SCEL: variants seen among roughly 807,000 people sequenced by gnomAD.
The protein encoded by SCEL is sciellin.
A neutral mutation model predicts 117.6 loss-of-function variants in SCEL; 113 were observed. The ratio of observed to expected loss-of-function variants is 0.96; its 90% CI spans 0.83 to 1.12. The LOEUF (loss-of-function observed/expected upper bound fraction) is 1.12. Among genes scored for constraint, SCEL ranks in the 50% most tolerant of loss-of-function variants. The pLI is 0.00. For synonymous variants in SCEL, 270 were observed against 256.2 expected, an observed-to-expected ratio of 1.05 and a Z score of -0.51; for missense variants, 785 against 810.8, an observed-to-expected ratio of 0.97 and a Z score of 0.39.
At chr13:77,595,374 G>A (rs1303465030) in intron 12 of SCEL, among the ~76,000 whole-genome samples, 3 of 152,182 alleles carry the variant, frequency 2.0e-5, no homozygotes, top group Admixed American at 6.5e-5. Flanking sequence ...ATCTGATTAA[G>A]AGCATTTAAT....
chr13:77,624,076 T>A (rs1352776309), intron 27 of SCEL, among the ~76,000 whole-genome samples: 1 of 151,132 alleles, frequency 6.6e-6, no homozygotes, highest in Non-Finnish European at 1.5e-5. Context: ...CCTCTCTCCT[T>A]GGCTTGTGGA....
intron 11 of SCEL, among the ~76,000 whole-genome samples, chr13:77,592,164 C>G (rs1168456609): frequency 6.6e-6 from 1 of 152,078 alleles, no homozygotes; most frequent in Non-Finnish European, 1.5e-5. Context: ...ATATACTTTT[C>G]ATTTTTTATA....
At chr13:77,632,517 G>C (rs1240785693) in intron 28 of SCEL, among the ~76,000 whole-genome samples, 2 of 152,140 alleles carry the variant, frequency 1.3e-5, no homozygotes, top group Non-Finnish European at 2.9e-5. Flanking sequence ...TGTATGTTTT[G>C]TGAAACATCT....
chr13:77,568,293 A>G lies in SCEL; in HGVS notation c.360-2A>G. On this transcript the variant is annotated splice_acceptor_variant, in intron 6 of 32. Coordinates refer to ENST00000349847, the MANE Select transcript of SCEL (RefSeq NM_144777.3). LOFTEE classifies it high-confidence loss of function. ...AACTTTGCTTTCTTTCTCTCTTACC[A>G]GGAGCATGTCCATGTTTAGATCACT... 1 of 1,558,746 alleles carries G rather than the reference A, an allele frequency of 6.4e-7. No homozygotes were observed. The highest frequency in any genetic ancestry group is 8.8e-7 in the Non-Finnish European group (1 of 1,135,236).
intron 27 of SCEL, among the ~76,000 whole-genome samples, chr13:77,618,771 A>T (rs2154403977): frequency 6.6e-6 from 1 of 152,316 alleles, no homozygotes; most frequent in African/African-American, 2.4e-5. Flanking sequence ...AGGAAAAAAG[A>T]TATTTTGAAG....
intron 9 of SCEL, among the ~76,000 whole-genome samples, chr13:77,584,257 G>A (rs193127396): frequency 6.6e-6 from 1 of 152,192 alleles, no homozygotes; most frequent in African/African-American, 2.4e-5. Context: ...CTCCTGGCAC[G>A]ACATGAATGA....
Position 77,567,661 on chromosome 13 carries a change from G to A in SCEL, c.291-19G>A. The A allele has an allele frequency of 6.3e-7, 1 of 1,577,134 alleles. No individual in the cohort carries two copies. The highest frequency in any genetic ancestry group is 1.4e-5 in the African/African-American group (1 of 73,996). On this transcript the variant is annotated intron_variant, in intron 5 of 32. Coordinates refer to ENST00000349847, the MANE Select transcript of SCEL (RefSeq NM_144777.3). Reference sequence around the variant, plus strand: ...AATTTAAATATTTATCCAGACTTTTGTCTTGTTTCTTTATAAAGGATCTCA... The same window carrying A: ...AATTTAAATATTTATCCAGACTTTTATCTTGTTTCTTTATAAAGGATCTCA...
rs139280056 is a variant in SCEL, at chr13:77,613,213, T to C, written c.1388+272T>C. Among the ~76,000 whole-genome samples the C allele has an allele frequency of 2.6e-4, 39 of 152,290 alleles. No individual in the cohort carries two copies. In the East Asian group the frequency reaches 7.1e-3, roughly 28 times the overall value. On this transcript the variant is annotated intron_variant, in intron 23 of 32. Transcript: ENST00000349847. Reference sequence around the variant, plus strand: ...ACACAGTAACAGCATAACTAGATTATAACCATAAGTTCATAGTTAATAAAT... The same window carrying C: ...ACACAGTAACAGCATAACTAGATTACAACCATAAGTTCATAGTTAATAAAT...
In SCEL at chr13:77,593,295, T is replaced by TGTGTGTGTGTGCGCGCGC. The variant is rs796907419; in HGVS notation, c.693-217_693-216insGTGTGTGTGCGCGCGCGT. Reference sequence around the variant, plus strand: ...GTGTGTGTGTGTGTGTGTGTGTGTGTGTCTGTGTGTGTGTGTGTGTGTGTC... The same window carrying TGTGTGTGTGTGCGCGCGC: ...GTGTGTGTGTGTGTGTGTGTGTGTGTGTGTGTGTGTGCGCGCGCGTCTGTGTGTGTGTGTGTGTGTGTC... On this transcript the variant is annotated intron_variant, in intron 11 of 32. Coordinates refer to ENST00000349847, the MANE Select transcript of SCEL (RefSeq NM_144777.3). Among the ~76,000 whole-genome samples the TGTGTGTGTGTGCGCGCGC allele has an allele frequency of 4.7e-4, 64 of 136,882 alleles. 2 individuals carry two copies. In the South Asian group the frequency reaches 6.7e-3, roughly 14 times the overall value. 89.8% of individuals were successfully genotyped at this position (136,882 alleles called of 152,430 possible).
intron 15 of SCEL, among the ~76,000 whole-genome samples, chr13:77,600,894 A>G (rs947053294): frequency 2.6e-5 from 4 of 152,296 alleles, no homozygotes; most frequent in South Asian, 2.1e-4. Flanking sequence ...ATCTGTGCCA[A>G]TCTATGCCCA....
intron 19 of SCEL, chr13:77,606,501 C>A (rs1337602113): frequency 6.6e-6 from 1 of 152,170 alleles, no homozygotes; most frequent in East Asian, 1.9e-4. Flanking sequence ...TTTGAATACA[C>A]AAGTCTGGAA....
At chr13:77,583,887 A>C (rs1366266726) in intron 9 of SCEL, among the ~76,000 whole-genome samples, 1 of 152,224 alleles carries the variant, frequency 6.6e-6, no homozygotes, top group Non-Finnish European at 1.5e-5. Flanking sequence ...CAGCATATGG[A>C]AATGAAGTAA....
At chr13:77,602,952 C>A in intron 17 of SCEL, 124 bp from the exon 18 acceptor site, 1 of 643,522 alleles carries the variant, frequency 1.6e-6, no homozygotes, top group Non-Finnish European at 2.5e-6. Flanking sequence ...ATACTTAAAG[C>A]CAATTTAATG....
At chr13:77,545,807 A>G (rs1450541617) in intron 1 of SCEL, among the ~76,000 whole-genome samples, 1 of 152,196 alleles carries the variant, frequency 6.6e-6, no homozygotes, top group East Asian at 1.9e-4. Context: ...GGAAAGAAAG[A>G]CTCAAGAGCA....
chr13:77,613,256 G>A (rs1350695382), intron 23 of SCEL, among the ~76,000 whole-genome samples: 1 of 151,868 alleles, frequency 6.6e-6, no homozygotes. Context: ...TCATAAAACT[G>A]AACAAATCAG....
chr13:77,535,932 C>T (rs1022621297), intron 1 of SCEL, 108 bp downstream of exon 1: 2 of 152,208 alleles, frequency 1.3e-5, no homozygotes, highest in Non-Finnish European at 2.9e-5. Flanking sequence ...TTATCTTTGT[C>T]TTTTCTTCCT....
At chr13:77,625,641 T>C (rs1257965369) in intron 27 of SCEL, among the ~76,000 whole-genome samples, 2 of 152,230 alleles carry the variant, frequency 1.3e-5, no homozygotes, top group Non-Finnish European at 2.9e-5. Flanking sequence ...GAGGCTTAAG[T>C]ATGGCTAGGG....
chr13:77,611,008 T>C (rs1323366447), intron 22 of SCEL, among the ~76,000 whole-genome samples: 1 of 152,184 alleles, frequency 6.6e-6, no homozygotes, highest in Non-Finnish European at 1.5e-5. Flanking sequence ...GATACCAAGA[T>C]ATATATCTTC....
intron 1 of SCEL, among the ~76,000 whole-genome samples, chr13:77,537,917 T>C (rs1286184532): frequency 1.3e-5 from 2 of 152,208 alleles, no homozygotes; most frequent in Non-Finnish European, 2.9e-5. Flanking sequence ...AGTGAGGGGA[T>C]AAAATCTTTG....
Sources: gnomAD v4.1 joint callset for allele counts (sites outside exome capture counted in the v4.1 genomes callset) on GRCh38, gnomAD v4.1.1 for gene constraint, MANE v1.5 for transcripts, NCBI Gene and HGNC (gene_info 2026-07-23, HGNC 2026-07-21) for gene names.